SLX4IP: variants seen among roughly 807,000 people sequenced by gnomAD.
The protein encoded by SLX4IP is protein SLX4IP.
In SLX4IP, 34 loss-of-function variants were observed where a neutral mutation model predicts 32.9. The observed-to-expected ratio is 1.03, with a 90% confidence interval of 0.79 to 1.38. SLX4IP has a LOEUF of 1.38. SLX4IP is among the 40% of genes most tolerant of loss of function. The probability of loss-of-function intolerance (pLI) is 0.00; values close to 1 mark genes in which losing one functional copy is unlikely to be tolerated. For synonymous variants in SLX4IP, 172 were observed against 171.7 expected, an observed-to-expected ratio of 1.00 and a Z score of -0.01; for missense variants, 444 against 479.0, an observed-to-expected ratio of 0.93 and a Z score of 0.68.
chr20:10,496,257 G>T, intron 2 of SLX4IP, among the ~76,000 whole-genome samples: 1 of 152,114 alleles, frequency 6.6e-6, no homozygotes, highest in East Asian at 1.9e-4. Flanking sequence ...TCCATCACCC[G>T]AGCATTGATC....
chr20:10,503,430 G>A (rs1260795441), intron 2 of SLX4IP, among the ~76,000 whole-genome samples: 1 of 152,206 alleles, frequency 6.6e-6, no homozygotes, highest in East Asian at 1.9e-4. Context: ...GTAGCCAAAT[G>A]TGCTGTTTTC....
chr20:10,450,853 G>A (rs1029597719), intron 1 of SLX4IP, among the ~76,000 whole-genome samples: 1 of 152,182 alleles, frequency 6.6e-6, no homozygotes, highest in Non-Finnish European at 1.5e-5. Context: ...CCGGGTTCAC[G>A]CCATTCTCCT....
At chr20:10,545,901 CAT>C (rs1483165766) in intron 2 of SLX4IP, among the ~76,000 whole-genome samples, 8 of 152,182 alleles carry the variant, frequency 5.3e-5, no homozygotes, top group African/African-American at 1.9e-4. Context: ...TTCTTTGACT[CAT>C]ATGTAGTTTG....
At chr20:10,578,411 A>G (rs2066546422) in intron 4 of SLX4IP, among the ~76,000 whole-genome samples, 2 of 152,218 alleles carry the variant, frequency 1.3e-5, no homozygotes, top group Non-Finnish European at 2.9e-5. Flanking sequence ...ACATATCAGT[A>G]GTACTTTATT....
intron 6 of SLX4IP, among the ~76,000 whole-genome samples, chr20:10,607,466 C>T (rs2066918298): frequency 6.6e-6 from 1 of 152,246 alleles, no homozygotes; most frequent in African/African-American, 2.4e-5. Flanking sequence ...TTAAGTCACA[C>T]TACTGTTTAG....
chr20:10,547,087 A>G (rs981724764), intron 2 of SLX4IP, among the ~76,000 whole-genome samples: 1 of 152,168 alleles, frequency 6.6e-6, no homozygotes, highest in Non-Finnish European at 1.5e-5. Context: ...TTTGCCTCCC[A>G]TCTCAAATCT....
At chr20:10,445,139 G>T (rs2065191421) in intron 1 of SLX4IP, among the ~76,000 whole-genome samples, 2 of 152,112 alleles carry the variant, frequency 1.3e-5, no homozygotes, top group African/African-American at 4.8e-5. Flanking sequence ...TCTCATGGTT[G>T]GATGTTGCAC....
chr20:10,477,298 A>C (rs959029518), intron 2 of SLX4IP, among the ~76,000 whole-genome samples: 6 of 152,100 alleles, frequency 3.9e-5, no homozygotes, highest in African/African-American at 1.4e-4. Context: ...GGTATGCACC[A>C]CCACGCCTGG....
At chr20:10,560,897 C>A (rs2066325785) in intron 4 of SLX4IP, 77 bp downstream of exon 4, 4 of 1,330,872 alleles carry the variant, frequency 3.0e-6, no homozygotes, top group Non-Finnish European at 4.0e-6. Context: ...TTATGTTTGA[C>A]TCTGACTGTC....
At chr20:10,500,251 C>T (rs1238352489) in intron 2 of SLX4IP, among the ~76,000 whole-genome samples, 2 of 151,076 alleles carry the variant, frequency 1.3e-5, no homozygotes, top group African/African-American at 2.4e-5. Context: ...TTGCCTCAGC[C>T]TCCTGAGTTG....
At chr20:10,620,609 A>T (rs1385016803) in intron 6 of SLX4IP, among the ~76,000 whole-genome samples, 6 of 151,968 alleles carry the variant, frequency 3.9e-5, no homozygotes, top group Admixed American at 6.6e-5. Context: ...GCTGGAGTGC[A>T]GTGGTGCCAT....
At chr20:10,439,241 G>A (rs2065141526) in intron 1 of SLX4IP, among the ~76,000 whole-genome samples, 1 of 151,536 alleles carries the variant, frequency 6.6e-6, no homozygotes, top group East Asian at 1.9e-4. Flanking sequence ...TTGAGACTGG[G>A]TCCCACTCTC....
At chr20:10,557,252 G>A (rs2066276485) in intron 3 of SLX4IP, among the ~76,000 whole-genome samples, 1 of 152,028 alleles carries the variant, frequency 6.6e-6, no homozygotes, top group African/African-American at 2.4e-5. Flanking sequence ...AGCTTTTGGA[G>A]CTCACTAGAA....
rs569595543 is a variant in SLX4IP, at chr20:10,626,317, G to A, written c.*2938G>A. ...CAAAGTGCTGGGATTACAGGTGAGA[G>A]CCACCGCACCCGGCCTGTTTTGACA... On this transcript the variant is annotated 3_prime_UTR_variant, in exon 8 of 8. Transcript: ENST00000334534. 4.7e-5 allele frequency: 7 copies of A among 147,796 alleles called. No homozygotes were observed. The highest frequency in any genetic ancestry group is 1.8e-4 in the African/African-American group (7 of 38,546). 9.2% of individuals were successfully genotyped at this position (147,796 alleles called of 1,614,324 possible).
intron 1 of SLX4IP, among the ~76,000 whole-genome samples, chr20:10,444,771 A>G (rs1159930496): frequency 6.6e-6 from 1 of 152,128 alleles, no homozygotes; most frequent in Non-Finnish European, 1.5e-5. Context: ...TTTTAAAATA[A>G]GGGCACTGGT....
At chr20:10,604,593 C>T (rs377086589) in intron 6 of SLX4IP, among the ~76,000 whole-genome samples, 21 of 152,356 alleles carry the variant, frequency 1.4e-4, no homozygotes, top group South Asian at 6.2e-4. Context: ...GGAGTAATCC[C>T]CCTCCTTTAC....
At chr20:10,472,484 A>C (rs225145) in intron 2 of SLX4IP, among the ~76,000 whole-genome samples, 136,210 of 152,172 alleles carry the variant, frequency 0.9, 61,031 homozygotes, top group Middle Eastern at 0.95. Context: ...CGTGCCTTGG[A>C]CTCCCAAAGT....
intron 2 of SLX4IP, among the ~76,000 whole-genome samples, chr20:10,477,078 C>T (rs1203760090): frequency 6.6e-6 from 1 of 152,136 alleles, no homozygotes; most frequent in Non-Finnish European, 1.5e-5. Flanking sequence ...GTGGGTTTTC[C>T]CGTATCAAGA....
At chr20:10,536,431 C>G (rs1600975484) in intron 2 of SLX4IP, among the ~76,000 whole-genome samples, 1 of 151,846 alleles carries the variant, frequency 6.6e-6, no homozygotes, top group Admixed American at 6.6e-5. Flanking sequence ...TCTGTATCAT[C>G]AATTAGAAAT....
Sources: gnomAD v4.1 joint callset for allele counts (sites outside exome capture counted in the v4.1 genomes callset) on GRCh38, gnomAD v4.1.1 for gene constraint, MANE v1.5 for transcripts, NCBI Gene and HGNC (gene_info 2026-07-23, HGNC 2026-07-21) for gene names.